The following GRM5 variants were observed in gnomAD, a reference collection of about 807,000 sequenced individuals.
GRM5 encodes the protein glutamate metabotropic receptor 5.
Under a neutral mutation model 83.1 loss-of-function variants are expected in GRM5, and 19 were observed. That is an observed-to-expected ratio of 0.23 (90% confidence interval 0.16 to 0.34). The LOEUF (loss-of-function observed/expected upper bound fraction) is 0.34. GRM5 is among the 10% of genes least tolerant of loss of function. The pLI, the probability that GRM5 is intolerant of heterozygous loss-of-function variation, is 1.00. For synonymous variants in GRM5, 675 were observed against 633.6 expected, an observed-to-expected ratio of 1.07 and a Z score of -0.98; for missense variants, 1,160 against 1,588.3, an observed-to-expected ratio of 0.73 and a Z score of 4.58.
chr11:89,062,026 G>A (rs1942005510), intron 1 of GRM5, among the ~76,000 whole-genome samples: 1 of 152,194 alleles, frequency 6.6e-6, no homozygotes, highest in African/African-American at 2.4e-5. Flanking sequence ...TCTGTCCAGA[G>A]TGCTGACAAG....
intron 9 of GRM5, among the ~76,000 whole-genome samples, chr11:88,516,609 T>G (rs1017532238): frequency 6.6e-6 from 1 of 152,140 alleles, no homozygotes; most frequent in Admixed American, 6.5e-5. Flanking sequence ...TTAAATCTGA[T>G]GTACGAAGGG....
At chr11:88,766,341 A>G (rs1470203741) in intron 3 of GRM5, among the ~76,000 whole-genome samples, 1 of 152,052 alleles carries the variant, frequency 6.6e-6, no homozygotes, top group Non-Finnish European at 1.5e-5. Context: ...ATGGCACGGT[A>G]CTGGTACACA....
chr11:88,753,481 A>G (rs1470212068), intron 3 of GRM5, among the ~76,000 whole-genome samples: 2 of 152,048 alleles, frequency 1.3e-5, no homozygotes, highest in African/African-American at 2.4e-5. Flanking sequence ...GTAGAAATGT[A>G]CATTAGTTCA....
chr11:88,985,460 T>A (rs570284039), intron 2 of GRM5, among the ~76,000 whole-genome samples: 45 of 152,234 alleles, frequency 3.0e-4, no homozygotes, highest in African/African-American at 1.1e-3. Flanking sequence ...TGGATCACAG[T>A]TGAGCTTACC....
intron 2 of GRM5, among the ~76,000 whole-genome samples, chr11:88,903,266 TAGG>T (rs1945346632): frequency 6.6e-6 from 1 of 152,030 alleles, no homozygotes; most frequent in East Asian, 1.9e-4. Context: ...GGGAGAATGT[TAGG>T]AGAAGAGGGT....
rs1941244130 is a variant in GRM5, at chr11:88,508,550, C to T, written c.*42G>A. On this transcript the variant is annotated 3_prime_UTR_variant, in exon 10 of 10. Coordinates refer to ENST00000305447, the MANE Select transcript of GRM5 (RefSeq NM_001143831.3). The surrounding 1 kb of genome is among the most constrained non-coding windows in gnomAD (Gnocchi z 4.2). ...ATTGTGTGTGTGTGAACACGGGGGG[C>T]TCCGCTCCGCACGCGCAGGCCGGCG... 2.0e-6 allele frequency: 3 copies of T among 1,535,206 alleles called. No individual in the cohort carries two copies. Among genetic ancestry groups the T allele is most frequent in the Non-Finnish European group, 2.7e-6 (3 of 1,115,836 alleles).
chr11:88,935,620 C>G (rs1350243600), intron 2 of GRM5, among the ~76,000 whole-genome samples: 1 of 151,856 alleles, frequency 6.6e-6, no homozygotes, highest in Non-Finnish European at 1.5e-5. Context: ...AAAAGTCCCT[C>G]ACTACAACAA....
chr11:89,063,769 C>T (rs1413557777), intron 1 of GRM5: 1 of 152,214 alleles, frequency 6.6e-6, no homozygotes, highest in Non-Finnish European at 1.5e-5. Flanking sequence ...CTTTGCGCAA[C>T]TTTTTGGTGC....
Position 88,504,721 on chromosome 11 carries a change from T to G in GRM5, c.*3871A>C, listed in dbSNP as rs1284540907. 2 of 151,966 alleles carry G rather than the reference T, an allele frequency of 1.3e-5. No homozygotes were observed. Among genetic ancestry groups the G allele is most frequent in the African/African-American group, 4.8e-5 (2 of 41,394 alleles). 9.4% of individuals were successfully genotyped at this position (151,966 alleles called of 1,614,324 possible). ...TTTATACAAGTACAAAGCAAAACAA[T>G]GCTGATAAAAATGTTAAACTTTATG... On this transcript the variant is annotated 3_prime_UTR_variant, in exon 10 of 10. Transcript: ENST00000305447.
chr11:88,570,062 G>A (rs1212168089), intron 7 of GRM5, among the ~76,000 whole-genome samples: 1 of 152,028 alleles, frequency 6.6e-6, no homozygotes, highest in Non-Finnish European at 1.5e-5. Context: ...GAAGGGGAAA[G>A]GGAAGGGAAG....
rs1413498629 is a variant in GRM5, at chr11:88,705,413, C to T, written c.912-52010G>A. Among the ~76,000 whole-genome samples, 5 of 152,178 alleles carry T rather than the reference C, an allele frequency of 3.3e-5. No homozygotes were observed. In the East Asian group the frequency reaches 9.7e-4, roughly 29 times the overall value. On this transcript the variant is annotated intron_variant, in intron 3 of 9. Transcript: ENST00000305447. ...GTATTTTCTGGCTTTAGGATTCAGT[C>T]ACCTCTAAATGTATCTTTTAAAAAC...
intron 2 of GRM5, among the ~76,000 whole-genome samples, chr11:88,900,924 T>C (rs757512459): frequency 2.0e-5 from 3 of 152,204 alleles, no homozygotes; most frequent in Non-Finnish European, 4.4e-5. Context: ...ACTTTACAGT[T>C]ATTCCTAGTA....
At chr11:88,813,911 A>T (rs1943627281) in intron 3 of GRM5, among the ~76,000 whole-genome samples, 1 of 152,016 alleles carries the variant, frequency 6.6e-6, no homozygotes, top group Non-Finnish European at 1.5e-5. Flanking sequence ...TATCCTAAAA[A>T]TTTTTACAAT....
chr11:88,651,088 G>T (rs61902891), intron 4 of GRM5, among the ~76,000 whole-genome samples: 18,232 of 151,956 alleles, frequency 0.12, 1,448 homozygotes, highest in Non-Finnish European at 0.18. Flanking sequence ...TCACACCAAG[G>T]TGCTCACATG....
In GRM5 at chr11:88,949,876, A is replaced by G. The variant is rs1251303616; in HGVS notation, c.661+97336T>C. On this transcript the variant is annotated intron_variant, in intron 2 of 9. Coordinates refer to ENST00000305447, the MANE Select transcript of GRM5 (RefSeq NM_001143831.3). ...AATGTAATCAATATGCAATACTTTTATTTTTTCAGGTGGGGTCTTGCTCTG... is the reference window on the plus strand; with the variant it reads ...AATGTAATCAATATGCAATACTTTTGTTTTTTCAGGTGGGGTCTTGCTCTG... Among the ~76,000 whole-genome samples, 3 of 152,020 alleles carry G rather than the reference A, an allele frequency of 2.0e-5. No individual in the cohort carries two copies. In the South Asian group the frequency reaches 6.2e-4, roughly 32 times the overall value.
At chr11:88,521,386 C>T (rs754284913) in intron 9 of GRM5, among the ~76,000 whole-genome samples, 1 of 152,136 alleles carries the variant, frequency 6.6e-6, no homozygotes, top group Non-Finnish European at 1.5e-5. Flanking sequence ...CATTGCACTC[C>T]AGCCTGGGTG....
intron 2 of GRM5, among the ~76,000 whole-genome samples, chr11:88,927,766 T>C (rs1945814962): frequency 6.6e-6 from 1 of 152,138 alleles, no homozygotes; most frequent in African/African-American, 2.4e-5. Context: ...CTTGTTTGTG[T>C]GTGTGTTCAA....
At chr11:88,608,709 A>G (rs1475037207) in intron 4 of GRM5, among the ~76,000 whole-genome samples, 1 of 151,582 alleles carries the variant, frequency 6.6e-6, no homozygotes, top group Non-Finnish European at 1.5e-5. Context: ...TTTAGTAGAG[A>G]CGGGGTTTCA....
rs558970421 is a variant in GRM5, at chr11:88,778,394, A to G, written c.911+71512T>C. Among the ~76,000 whole-genome samples, 3 of 152,156 alleles carry G rather than the reference A, an allele frequency of 2.0e-5. No individual in the cohort carries two copies. In the South Asian group the frequency reaches 6.2e-4, roughly 32 times the overall value. On this transcript the variant is annotated intron_variant, in intron 3 of 9. Coordinates refer to ENST00000305447, the MANE Select transcript of GRM5 (RefSeq NM_001143831.3). ...TTTGCTAGGAAAGGGAAATCCCCCA[A>G]CCCCTTGCGCTTCCCAGGTGAGGTG...
Sources: gnomAD v4.1 joint callset for allele counts (sites outside exome capture counted in the v4.1 genomes callset) on GRCh38, gnomAD v4.1.1 for gene constraint, Gnocchi (gnomAD v3.1) non-coding constraint, MANE v1.5 for transcripts, NCBI Gene and HGNC (gene_info 2026-07-23, HGNC 2026-07-21) for gene names.